The following CNTROB variants were observed in gnomAD, a reference collection of about 807,000 sequenced individuals.
CNTROB encodes the protein centrobin, centriole duplication and spindle assembly protein.
Under a neutral mutation model 115.7 loss-of-function variants are expected in CNTROB, and 82 were observed. The observed-to-expected ratio is 0.71, with a 90% CI of 0.59 to 0.85. The LOEUF (loss-of-function observed/expected upper bound fraction) is 0.85. Ranked by LOEUF, CNTROB falls within the 40% of genes least tolerant of loss-of-function variation. CNTROB has a pLI of 0.00. For synonymous variants in CNTROB, 439 were observed against 456.4 expected, an observed-to-expected ratio of 0.96 and a Z score of 0.49; for missense variants, 1,014 against 1,144.4, an observed-to-expected ratio of 0.89 and a Z score of 1.64.
chr17:7,946,085 C>G, intron 13 of CNTROB, 99 bp downstream of exon 13: 1 of 1,100,008 alleles, frequency 9.1e-7, no homozygotes, highest in South Asian at 1.5e-5. Flanking sequence ...CATTTAGTTT[C>G]CCAGATGCCT....
chr17:7,947,866 G>A (rs374929569), intron 14 of CNTROB, 50 bp from the exon 15 acceptor site: 34 of 1,608,662 alleles, frequency 2.1e-5, no homozygotes, highest in Non-Finnish European at 2.8e-5. Flanking sequence ...ATCCCTGGGC[G>A]TTTTTCTCTA....
chr17:7,949,579 T>C lies in CNTROB; in HGVS notation c.*69T>C. 1 of 1,458,550 alleles carries C rather than the reference T, an allele frequency of 6.9e-7. No individual in the cohort carries two copies. The highest frequency in any genetic ancestry group is 2.4e-5 in the East Asian group (1 of 41,812). The allele number at this position is 1,458,550 out of a possible 1,614,324, so 90.4% of individuals were successfully genotyped here. A position where few individuals can be genotyped will look rare whatever the true frequency, so the allele number is the denominator to read the frequency against. The stretch of plus-strand genomic sequence containing the variant: ...TTTAATAAATGCTCATTAGTCTGTA[T>C]CAGAGTCTCTGGCTCATAGGAATTT... On this transcript the variant is annotated 3_prime_UTR_variant, in exon 19 of 19. Coordinates refer to ENST00000563694, the MANE Select transcript of CNTROB (RefSeq NM_053051.5).
chr17:7,946,098 A>G (rs564451718), intron 13 of CNTROB, 112 bp downstream of exon 13: 2 of 915,708 alleles, frequency 2.2e-6, no homozygotes, highest in Admixed American at 2.2e-5. Flanking sequence ...AGATGCCTTT[A>G]GTGATCGCAA....
At chr17:7,949,254 C>A in intron 18 of CNTROB, 97 bp downstream of exon 18, 1 of 1,566,422 alleles carries the variant, frequency 6.4e-7, no homozygotes, top group South Asian at 1.1e-5. Context: ...CCATTCCACC[C>A]CTGCATTCTG....
Position 7,943,618 on chromosome 17 carries a change from A to G in CNTROB, c.1445+94A>G, listed in dbSNP as rs1974175933. On this transcript the variant is annotated intron_variant, in intron 10 of 18. Coordinates refer to ENST00000563694, the MANE Select transcript of CNTROB (RefSeq NM_053051.5). This position sits in a 1 kb window ranked among gnomAD's most constrained non-coding sequence, Gnocchi z 4.7. ...CCCTTCAATCCCTTTGCCATGGTCCAGCACTGTGACTCCCAGGGTGCGCTA... is the reference window on the plus strand; with the variant it reads ...CCCTTCAATCCCTTTGCCATGGTCCGGCACTGTGACTCCCAGGGTGCGCTA... The G allele has an allele frequency of 1.5e-6, 2 of 1,372,032 alleles. No homozygotes were observed. Among genetic ancestry groups the G allele is most frequent in the South Asian group, 3.0e-5 (2 of 67,692 alleles). The allele number at this position is 1,372,032 out of a possible 1,614,324, so 85.0% of individuals were successfully genotyped here.
chr17:7,939,493 G>C lies in CNTROB; in HGVS notation c.928-20G>C. 6.2e-7 allele frequency: 1 copy of C among 1,610,780 alleles called. No individual in the cohort carries two copies. Among genetic ancestry groups the C allele is most frequent in the Non-Finnish European group, 8.5e-7 (1 of 1,177,204 alleles). On this transcript the variant is annotated intron_variant, in intron 7 of 18. Coordinates refer to ENST00000563694, the MANE Select transcript of CNTROB (RefSeq NM_053051.5). This position sits in a 1 kb window ranked among gnomAD's most constrained non-coding sequence, Gnocchi z 4.4. ...TCTGAAGAGCCTACTAAGGAGCTTG[G>C]TTTTCTTCTGCGGCTGTAGGAGGAG...
At chr17:7,940,439 A>T (rs1232509965) in intron 9 of CNTROB, among the ~76,000 whole-genome samples, 197 bp downstream of exon 9, 1 of 152,230 alleles carries the variant, frequency 6.6e-6, no homozygotes, top group East Asian at 1.9e-4. Flanking sequence ...TTCCCACAAT[A>T]TGTCAGACTG....
chr17:7,934,748 G>A (rs544156175), intron 3 of CNTROB, among the ~76,000 whole-genome samples: 1 of 152,114 alleles, frequency 6.6e-6, no homozygotes, highest in Non-Finnish European at 1.5e-5. Flanking sequence ...CTAGTACCTG[G>A]CTTTCTCTTA....
chr17:7,944,132 G>A lies in CNTROB; in HGVS notation c.1455G>A (p.Leu485=). The change falls in exon 11 of 19, where the codon CTG becomes CTA. Residue 485 remains leucine (L), a synonymous_variant. Transcript: ENST00000563694. The surrounding 1 kb of genome is among the most constrained non-coding windows in gnomAD (Gnocchi z 4.0). ...ASLREHHRKQ[L]QDLSGQHQQE... is the part of the protein sequence containing the mutation. ...TACCTGTGCCCTGTAGGAAGCAGCT[G>A]CAGGACCTGAGTGGACAGCACCAGC... 1 of 1,610,214 alleles carries A rather than the reference G, an allele frequency of 6.2e-7. No individual in the cohort carries two copies. The highest frequency in any genetic ancestry group is 1.1e-5 in the South Asian group (1 of 90,976).
At position 7,944,427 on chromosome 17, in the gene CNTROB, T is replaced by C. The variant is rs1161337772; in HGVS notation, c.1572-49T>C. 1.2e-6 allele frequency: 2 copies of C among 1,601,650 alleles called. No homozygotes were observed. The highest frequency in any genetic ancestry group is 1.3e-5 in the African/African-American group (1 of 74,710). On this transcript the variant is annotated intron_variant, in intron 11 of 18. Coordinates refer to ENST00000563694, the MANE Select transcript of CNTROB (RefSeq NM_053051.5). This position sits in a 1 kb window ranked among gnomAD's most constrained non-coding sequence, Gnocchi z 4.0. Reference sequence around the variant, plus strand: ...CTTCTGGCTCTTTTTAGCTCCCAAGTATCTGCTTCCTTAAAGGCCCTGAGT... The same window carrying C: ...CTTCTGGCTCTTTTTAGCTCCCAAGCATCTGCTTCCTTAAAGGCCCTGAGT...
In CNTROB at chr17:7,937,202, G is replaced by T; in HGVS notation, c.867G>T (p.Met289Ile). The T allele has an allele frequency of 6.2e-7, 1 of 1,614,188 alleles. No individual in the cohort carries two copies. The highest frequency in any genetic ancestry group is 8.5e-7 in the Non-Finnish European group (1 of 1,180,018). Residue 289 changes from methionine (M) to isoleucine (I), a missense_variant, in exon 7 of 19, where the codon ATG becomes ATT. Physicochemically the swap from Met to Ile is conservative, Grantham distance 10. Coordinates refer to ENST00000563694, the MANE Select transcript of CNTROB (RefSeq NM_053051.5). The part of the protein sequence containing the change: ...TRLEQSLSEA[M>I]EALNREQESA... Reference sequence around the variant, plus strand: ...TGGAACAAAGCCTTTCTGAGGCCATGGAGGCCCTGAATCGTGAGCAGGAAA... The same window carrying T: ...TGGAACAAAGCCTTTCTGAGGCCATTGAGGCCCTGAATCGTGAGCAGGAAA...
intron 13 of CNTROB, 68 bp from the exon 14 acceptor site, chr17:7,947,503 T>A: frequency 6.9e-7 from 1 of 1,440,462 alleles, no homozygotes; most frequent in Non-Finnish European, 9.3e-7. Flanking sequence ...TTAGGTGAGT[T>A]GATTTGTGGA....
chr17:7,940,115 C>G lies in CNTROB; in HGVS notation c.1184C>G (p.Ala395Gly). 1 of 1,604,540 alleles carries G rather than the reference C, an allele frequency of 6.2e-7. No individual in the cohort carries two copies. Among genetic ancestry groups the G allele is most frequent in the Non-Finnish European group, 8.5e-7 (1 of 1,176,352 alleles). The change falls in exon 9 of 19, where the codon GCC (alanine) becomes GGC (glycine). Residue 395 changes from alanine (A) to glycine (G), a missense_variant. By Grantham distance (60) the Ala-to-Gly change is moderately conservative (BLOSUM62 0). Transcript: ENST00000563694. ...EREKEKSQRE[A>G]QAAWETQHQL... ...TCATAGGAGAAGAGCCAGAGGGAAGCCCAGGCCGCCTGGGAGACCCAGCAC... is the reference window on the plus strand; with the variant it reads ...TCATAGGAGAAGAGCCAGAGGGAAGGCCAGGCCGCCTGGGAGACCCAGCAC...
rs1362625454 is a variant in CNTROB at position 7,936,465 on chromosome 17, AT to A, written c.696del (p.Ile232MetfsTer47). On this transcript the variant is annotated frameshift_variant, in exon 5 of 19. Coordinates refer to ENST00000563694, the MANE Select transcript of CNTROB (RefSeq NM_053051.5). LOFTEE classifies it high-confidence loss of function. The stretch of plus-strand genomic sequence containing the variant: ...TGCCGACCGCAAGAAAGATACCATG[AT>A]TGAACAACTGGACAAGGTACCAGGG... The part of the protein sequence containing the change: ...VAADRKKDTM[I>X]EQLDKTLARV... 5 of 1,431,918 alleles carry A rather than the reference AT, an allele frequency of 3.5e-6. No homozygotes were observed. Among genetic ancestry groups the A allele is most frequent in the Non-Finnish European group, 4.9e-6 (5 of 1,013,702 alleles). The allele number at this position is 1,431,918 out of a possible 1,614,324, so 88.7% of individuals were successfully genotyped here.
chr17:7,934,913 T>C (rs1972960899), intron 3 of CNTROB, 76 bp from the exon 4 acceptor site: 1 of 1,490,050 alleles, frequency 6.7e-7, no homozygotes, highest in East Asian at 2.3e-5. Flanking sequence ...GTTTCCTCAT[T>C]TGTAGAATAT....
chr17:7,935,648 C>G lies in CNTROB; in HGVS notation c.594+503C>G. On this transcript the variant is annotated intron_variant, in intron 4 of 18. Coordinates refer to ENST00000563694, the MANE Select transcript of CNTROB (RefSeq NM_053051.5). ...AAGTAGTCAGATCGCCTTCTTATTT[C>G]TTTCATGTAGCTTATCGTTCTGATA... 1.2e-5 allele frequency: 2 copies of G among 166,054 alleles called. 1 individual carries two copies. The highest frequency in any genetic ancestry group is 2.6e-4 in the South Asian group (2 of 7,588). 10.3% of individuals were successfully genotyped at this position (166,054 alleles called of 1,614,324 possible).
chr17:7,938,242 T>C (rs925628893), intron 7 of CNTROB, among the ~76,000 whole-genome samples: 2 of 152,152 alleles, frequency 1.3e-5, no homozygotes, highest in Admixed American at 6.5e-5. Context: ...TGACCTCAAG[T>C]GATCTGCCCG....
chr17:7,946,138 G>C (rs2151774917), intron 13 of CNTROB, 152 bp downstream of exon 13: 1 of 698,808 alleles, frequency 1.4e-6, no homozygotes, highest in East Asian at 2.5e-5. Context: ...TGCTCACATT[G>C]GTCCAAATAA....
chr17:7,937,539 C>T (rs1313083077), intron 7 of CNTROB, among the ~76,000 whole-genome samples: 5 of 152,172 alleles, frequency 3.3e-5, no homozygotes, highest in Non-Finnish European at 4.4e-5. Flanking sequence ...CACGGTGGCT[C>T]ACCCCTGTAA....
Sources: gnomAD v4.1 joint callset for allele counts (sites outside exome capture counted in the v4.1 genomes callset) on GRCh38, gnomAD v4.1.1 for gene constraint, Gnocchi (gnomAD v3.1) non-coding constraint, MANE v1.5 for transcripts, NCBI Gene and HGNC (gene_info 2026-07-23, HGNC 2026-07-21) for gene names.